The following SEPTIN9 variants were observed in gnomAD, a reference collection of about 807,000 sequenced individuals.
SEPTIN9 encodes the protein septin-9.
In SEPTIN9, 13 loss-of-function variants were observed where a neutral mutation model predicts 56.6. That is an observed-to-expected ratio of 0.23 (90% CI 0.15 to 0.37). The LOEUF (loss-of-function observed/expected upper bound fraction) is 0.37. Ranked by LOEUF, SEPTIN9 falls within the 10% of genes least tolerant of loss-of-function variation. The pLI is 1.00. For synonymous variants in SEPTIN9, 332 were observed against 334.1 expected, an observed-to-expected ratio of 0.99 and a Z score of 0.07; for missense variants, 650 against 823.1, an observed-to-expected ratio of 0.79 and a Z score of 2.57.
At position 77,316,581 on chromosome 17, in the gene SEPTIN9, C is replaced by T. The variant is rs181512598; in HGVS notation, c.76+9384C>T. On this transcript the variant is annotated intron_variant, in intron 2 of 11. Transcript: ENST00000427177. ...GCCCGGCCCCTCACTCGGGGCTGTT[C>T]CCAAGTTCCCACCGCCAGCCAGGCT... 1.1e-4 allele frequency among the ~76,000 whole-genome samples: 16 copies of T among 152,326 alleles called. No individual in the cohort carries two copies. The South Asian group carries it at 2.1e-3, about 20-fold the overall frequency.
intron 3 of SEPTIN9, among the ~76,000 whole-genome samples, chr17:77,462,809 T>G (rs1414507041): frequency 6.6e-6 from 1 of 151,944 alleles, no homozygotes; most frequent in Non-Finnish European, 1.5e-5. Context: ...ACCCGGCTGA[T>G]TTTTGTATTT....
At chr17:77,307,994 G>A (rs558761737) in intron 2 of SEPTIN9, among the ~76,000 whole-genome samples, 1 of 152,340 alleles carries the variant, frequency 6.6e-6, no homozygotes, top group Non-Finnish European at 1.5e-5. Context: ...GTTTCTGGGA[G>A]CCTACGTTGT....
At position 77,307,167 on chromosome 17, in the gene SEPTIN9, C is replaced by T. The variant is rs2032303894; in HGVS notation, c.46C>T (p.Leu16Phe). 1 of 1,613,926 alleles carries T rather than the reference C, an allele frequency of 6.2e-7. No individual in the cohort carries two copies. The highest frequency in any genetic ancestry group is 8.5e-7 in the Non-Finnish European group (1 of 1,179,870). Residue 16 changes from leucine to phenylalanine, a missense_variant, in exon 2 of 12, where the codon CTC becomes TTC. By Grantham distance (22) the Leu-to-Phe change is conservative. Transcript: ENST00000427177. ...AGGCACGCGGACCTCCAGTGGCCGG[C>T]TCCGGAGGCTTGGTGACTCCAGTGG... ...SGGTRTSSGR[L>F]RRLGDSSGPA...
chr17:77,488,426 C>G, intron 6 of SEPTIN9, 105 bp downstream of exon 6: 6 of 1,079,814 alleles, frequency 5.6e-6, no homozygotes. Flanking sequence ...GGTGCAGGGC[C>G]CACCTCCTGG....
chr17:77,403,919 G>A (rs965181206), intron 3 of SEPTIN9, among the ~76,000 whole-genome samples: 1 of 152,110 alleles, frequency 6.6e-6, no homozygotes, highest in Non-Finnish European at 1.5e-5. Context: ...GTCCCCGTTA[G>A]ACCAAGCTCC....
rs2033178689 is a variant in SEPTIN9 at position 77,327,354 on chromosome 17, C to T, written c.76+20157C>T. On this transcript the variant is annotated intron_variant, in intron 2 of 11. Coordinates refer to ENST00000427177, the MANE Select transcript of SEPTIN9 (RefSeq NM_001113491.2). This position sits in a 1 kb window ranked among gnomAD's most constrained non-coding sequence, Gnocchi z 5.0. ...ACCCCCCCACTCCGAACGGCCAGAGCTTCTGAAGCCGCTCGCTGTGTGCCC... is the reference window on the plus strand; with the variant it reads ...ACCCCCCCACTCCGAACGGCCAGAGTTTCTGAAGCCGCTCGCTGTGTGCCC... 6.6e-6 allele frequency among the ~76,000 whole-genome samples: 1 copy of T among 152,194 alleles called. No individual in the cohort carries two copies. The highest frequency in any genetic ancestry group is 1.5e-5 in the Non-Finnish European group (1 of 68,036).
Position 77,379,320 on chromosome 17 carries a change from C to T in SEPTIN9, c.77-22739C>T, listed in dbSNP as rs1371617772. Among the ~76,000 whole-genome samples the T allele has an allele frequency of 4.6e-5, 7 of 152,006 alleles. No individual in the cohort carries two copies. In the East Asian group the frequency reaches 1.4e-3, roughly 29 times the overall value. On this transcript the variant is annotated intron_variant, in intron 2 of 11. Coordinates refer to ENST00000427177, the MANE Select transcript of SEPTIN9 (RefSeq NM_001113491.2). The stretch of plus-strand genomic sequence containing the variant: ...TGAGCCCCCAGGGGTCAGTATCAGG[C>T]AGTCACCACGGTGCCCGGTACACAG...
At chr17:77,484,416 T>G (rs1209857064) in intron 4 of SEPTIN9, among the ~76,000 whole-genome samples, 9 of 126,560 alleles carry the variant, frequency 7.1e-5, no homozygotes, top group Non-Finnish European at 1.5e-4. Flanking sequence ...GGGATGGTAG[T>G]GATGATGTGG....
Position 77,499,286 on chromosome 17 carries a change from G to A in SEPTIN9, c.*628G>A, listed in dbSNP as rs773994627. The A allele has an allele frequency of 3.0e-5, 18 of 598,126 alleles. No individual in the cohort carries two copies. The highest frequency in any genetic ancestry group is 1.6e-5 in the Non-Finnish European group (5 of 309,160). 37.1% of individuals were successfully genotyped at this position (598,126 alleles called of 1,614,324 possible). A position where few individuals can be genotyped will look rare whatever the true frequency, so the allele number is the denominator to read the frequency against. Reference sequence around the variant, plus strand: ...AGCTGCCCCTCCTGGAGCAGAAAGTGCCTTTATCTCAGCCATCCGCAGACT... The same window carrying A: ...AGCTGCCCCTCCTGGAGCAGAAAGTACCTTTATCTCAGCCATCCGCAGACT... On this transcript the variant is annotated 3_prime_UTR_variant, in exon 12 of 12. Transcript: ENST00000427177.
At chr17:77,414,160 C>T (rs541658009) in intron 3 of SEPTIN9, among the ~76,000 whole-genome samples, 97 of 152,240 alleles carry the variant, frequency 6.4e-4, no homozygotes, top group African/African-American at 2.2e-3. Context: ...CTGACTGCAA[C>T]CTCCGCCTCC....
At position 77,319,426 on chromosome 17, in the gene SEPTIN9, A is replaced by C; in HGVS notation, c.76+12229A>C. 3.3e-5 allele frequency: 16 copies of C among 492,236 alleles called. No individual in the cohort carries two copies. The highest frequency in any genetic ancestry group is 8.8e-4 in the Middle Eastern group (1 of 1,134). The allele number at this position is 492,236 out of a possible 1,614,324, so 30.5% of individuals were successfully genotyped here. On this transcript the variant is annotated intron_variant, in intron 2 of 11. Transcript: ENST00000427177. The surrounding 1 kb of genome is among the most constrained non-coding windows in gnomAD (Gnocchi z 5.3). ...ACTCGCTCCCTCCCAGGGGACGGCT[A>C]GAGACTCACTGACTCATGCGTGTGT... is the stretch of plus-strand genomic sequence containing the variant.
At chr17:77,409,469 G>C (rs762401058) in intron 3 of SEPTIN9, among the ~76,000 whole-genome samples, 9 of 149,880 alleles carry the variant, frequency 6.0e-5, no homozygotes, top group Middle Eastern at 6.9e-3. Context: ...AGCGGGTGCC[G>C]AGCAGCTGTG....
intron 1 of SEPTIN9, among the ~76,000 whole-genome samples, chr17:77,304,770 T>TTA (rs2032194290): frequency 2.6e-5 from 4 of 152,304 alleles, no homozygotes; most frequent in African/African-American, 9.6e-5. Flanking sequence ...GTCCCAGTAG[T>TTA]GCACTGATGG....
At chr17:77,481,848 C>G (rs1355715355) in intron 3 of SEPTIN9, 3 of 457,254 alleles carry the variant, frequency 6.6e-6, no homozygotes, top group Non-Finnish European at 1.2e-5. Flanking sequence ...GCGCAGGGGG[C>G]CCCCAGCTTG....
chr17:77,343,003 G>A lies in SEPTIN9; in HGVS notation c.76+35806G>A, dbSNP rs62080960. Among the ~76,000 whole-genome samples, 380 of 147,250 alleles carry A rather than the reference G, an allele frequency of 2.6e-3. 4 individuals are homozygous for A. The highest frequency in any genetic ancestry group is 0.016 in the South Asian group (71 of 4,532). On this transcript the variant is annotated intron_variant, in intron 2 of 11. Transcript: ENST00000427177. ...AATCAATGTATCTGTCTGTCTGTCT[G>A]TCTATCTATCTATCTATCTATCTAT...
chr17:77,447,872 G>A (rs565918167), intron 3 of SEPTIN9, among the ~76,000 whole-genome samples: 6 of 152,276 alleles, frequency 3.9e-5, no homozygotes, highest in Middle Eastern at 3.4e-3. Context: ...CAATGTGCTC[G>A]CCTTGGCCTC....
At chr17:77,397,700 A>G (rs1188314719) in intron 2 of SEPTIN9, among the ~76,000 whole-genome samples, 1 of 152,026 alleles carries the variant, frequency 6.6e-6, no homozygotes, top group Non-Finnish European at 1.5e-5. Flanking sequence ...CCCAGGCTGG[A>G]GTACTGTGGC....
At chr17:77,379,777 C>G (rs11659109) in intron 2 of SEPTIN9, among the ~76,000 whole-genome samples, 1 of 151,984 alleles carries the variant, frequency 6.6e-6, no homozygotes, top group Non-Finnish European at 1.5e-5. Flanking sequence ...GAGCCCCGGA[C>G]GATTCCGCCA....
At chr17:77,386,750 C>T (rs1215421809) in intron 2 of SEPTIN9, among the ~76,000 whole-genome samples, 1 of 152,170 alleles carries the variant, frequency 6.6e-6, no homozygotes, top group Non-Finnish European at 1.5e-5. Context: ...TCTCTGGCTT[C>T]CCCACTTGGA....
Sources: allele counts gnomAD v4.1 joint callset (sites outside exome capture counted in the v4.1 genomes callset), GRCh38; gene constraint gnomAD v4.1.1; non-coding constraint Gnocchi (gnomAD v3.1); transcripts MANE v1.5; gene names NCBI Gene and HGNC (gene_info 2026-07-23, HGNC 2026-07-21).